Variants in CHMP3 observed in about 807,000 individuals in gnomAD.
CHMP3 encodes 25.1 protein.
CHMP3 carries 8 observed loss-of-function variants against 27.4 expected under a neutral mutation model. That is an observed-to-expected ratio of 0.29 (90% CI 0.17 to 0.53). The LOEUF is 0.53. Among genes scored for constraint, CHMP3 ranks in the 20% least tolerant of loss-of-function variants. The pLI is 0.96. For missense variants in CHMP3, 208 were observed against 271.5 expected, an observed-to-expected ratio of 0.77 and a Z score of 1.64; for synonymous variants, 86 against 85.5, an observed-to-expected ratio of 1.01 and a Z score of -0.03.
chr2:86,523,344 C>T (rs1340009691), intron 3 of CHMP3, among the ~76,000 whole-genome samples: 1 of 152,216 alleles, frequency 6.6e-6, no homozygotes, highest in Non-Finnish European at 1.5e-5. Context: ...CCTGACTCTA[C>T]ATTTCTCTTT....
chr2:86,504,448 T>G lies in CHMP3; in HGVS notation c.*1356A>C, dbSNP rs1485743823. On this transcript the variant is annotated 3_prime_UTR_variant, in exon 6 of 6. Transcript: ENST00000263856. ...ATTTAAAATAATTTTTTAACTACAC[T>G]CTGAAGATGAAATCAAGAGTAATAG... The G allele has an allele frequency of 6.6e-6, 1 of 150,400 alleles. No homozygotes were observed. The highest frequency in any genetic ancestry group is 6.6e-5 in the Admixed American group (1 of 15,108). The allele number at this position is 150,400 out of a possible 1,614,324, so 9.3% of individuals were successfully genotyped here. A position where few individuals can be genotyped will look rare whatever the true frequency, so the allele number is the denominator to read the frequency against.
At chr2:86,556,748 G>C (rs756432133) in intron 1 of CHMP3, among the ~76,000 whole-genome samples, 4 of 152,110 alleles carry the variant, frequency 2.6e-5, no homozygotes, top group East Asian at 1.9e-4. Flanking sequence ...ATAAATACTC[G>C]CAGCGCCGGC....
In CHMP3 at chr2:86,548,119, T is replaced by C. The variant is rs72932375; in HGVS notation, c.46-5807A>G. Among the ~76,000 whole-genome samples, 595 of 152,024 alleles carry C rather than the reference T, an allele frequency of 3.9e-3. 5 individuals are homozygous for C. Among genetic ancestry groups the C allele is most frequent in the African/African-American group, 0.014 (566 of 41,480 alleles). On this transcript the variant is annotated intron_variant, in intron 1 of 5. Transcript: ENST00000263856. Reference sequence around the variant, plus strand: ...AGACATATGGAATGCAAAACTGTGGTGTTTTAAGAAGACAGTATAGGAGAA... The same window carrying C: ...AGACATATGGAATGCAAAACTGTGGCGTTTTAAGAAGACAGTATAGGAGAA...
chr2:86,521,176 C>G (rs1169767139), intron 3 of CHMP3, among the ~76,000 whole-genome samples: 1 of 151,486 alleles, frequency 6.6e-6, no homozygotes, highest in Non-Finnish European at 1.5e-5. Flanking sequence ...TAATGATAAT[C>G]CACCACCCTT....
intron 1 of CHMP3, among the ~76,000 whole-genome samples, chr2:86,556,435 T>A (rs1044296332): frequency 2.0e-5 from 3 of 152,200 alleles, no homozygotes; most frequent in African/African-American, 7.2e-5. Flanking sequence ...TCTCTCACCA[T>A]TGTAGGAGAT....
At chr2:86,529,503 T>C (rs956332295) in intron 2 of CHMP3, 106 bp from the exon 3 acceptor site, 4 of 1,064,870 alleles carry the variant, frequency 3.8e-6, no homozygotes, top group Middle Eastern at 5.2e-4. Context: ...GAAAAACATA[T>C]AGAAGGATAT....
In CHMP3 at chr2:86,507,195, A is replaced by G. The variant is rs940177890; in HGVS notation, c.523+284T>C. 2.2e-5 allele frequency: 6 copies of G among 271,338 alleles called. No individual in the cohort carries two copies. In the Admixed American group the frequency reaches 3.0e-4, roughly 13 times the overall value. The allele number at this position is 271,338 out of a possible 1,614,324, so 16.8% of individuals were successfully genotyped here. ...AGGGCTTTTGAATGGCTATGGCCAA[A>G]TTGCTTTCAAGAAAGTCTACACCAG... On this transcript the variant is annotated intron_variant, in intron 5 of 5. Coordinates refer to ENST00000263856, the MANE Select transcript of CHMP3 (RefSeq NM_016079.4).
chr2:86,527,867 G>A (rs998820576), intron 3 of CHMP3, among the ~76,000 whole-genome samples: 13 of 146,264 alleles, frequency 8.9e-5, no homozygotes, highest in Admixed American at 8.0e-4. Flanking sequence ...AGGGTGAGGC[G>A]GGCGAATCGC....
chr2:86,546,119 G>A (rs1009716606), intron 1 of CHMP3, among the ~76,000 whole-genome samples: 3 of 152,168 alleles, frequency 2.0e-5, no homozygotes, highest in Admixed American at 6.5e-5. Flanking sequence ...CCAGCACCTC[G>A]GGAGGCCGAG....
Position 86,505,594 on chromosome 2 carries a change from CT to C in CHMP3, c.*209del. The C allele has an allele frequency of 1.9e-6, 1 of 516,018 alleles. No homozygotes were observed. Among genetic ancestry groups the C allele is most frequent in the East Asian group, 3.5e-5 (1 of 28,446 alleles). 32.0% of individuals were successfully genotyped at this position (516,018 alleles called of 1,614,324 possible). A position where few individuals can be genotyped will look rare whatever the true frequency, so the allele number is the denominator to read the frequency against. On this transcript the variant is annotated 3_prime_UTR_variant, in exon 6 of 6. Coordinates refer to ENST00000263856, the MANE Select transcript of CHMP3 (RefSeq NM_016079.4). ...TTCCCCTCCCCACAATAAGATATAT[CT>C]GTCTATACTCCTAAAAATGATGCAT...
At chr2:86,530,416 C>T (rs1675875202) in intron 2 of CHMP3, among the ~76,000 whole-genome samples, 1 of 152,126 alleles carries the variant, frequency 6.6e-6, no homozygotes, top group Non-Finnish European at 1.5e-5. Flanking sequence ...ATTTTACTAC[C>T]CTTGGTACTT....
intron 3 of CHMP3, among the ~76,000 whole-genome samples, chr2:86,516,089 A>G (rs906596653): frequency 6.8e-6 from 1 of 147,142 alleles, no homozygotes; most frequent in Non-Finnish European, 1.5e-5. Context: ...CGGAGACTGC[A>G]GTGAGCCGAG....
chr2:86,551,495 G>A (rs1279835713), intron 1 of CHMP3, among the ~76,000 whole-genome samples: 6 of 152,064 alleles, frequency 3.9e-5, no homozygotes, highest in Non-Finnish European at 8.8e-5. Context: ...GACCTCAGGG[G>A]ATCTGCCCAC....
chr2:86,550,123 C>T (rs1262756890), intron 1 of CHMP3, among the ~76,000 whole-genome samples: 5 of 152,224 alleles, frequency 3.3e-5, no homozygotes, highest in Non-Finnish European at 5.9e-5. Flanking sequence ...CGTCTGCAAT[C>T]CCAGCACCCC....
chr2:86,517,471 C>T (rs565283968), intron 3 of CHMP3, among the ~76,000 whole-genome samples: 2 of 146,280 alleles, frequency 1.4e-5, no homozygotes, highest in African/African-American at 5.1e-5. Flanking sequence ...GAGGCTGAGG[C>T]AGGAGAATGG....
At chr2:86,507,285 A>T (rs1674923373) in intron 5 of CHMP3, 194 bp downstream of exon 5, 1 of 543,746 alleles carries the variant, frequency 1.8e-6, no homozygotes, top group Non-Finnish European at 3.3e-6. Flanking sequence ...AACTCTAAAA[A>T]TTTTAAGAAT....
intron 1 of CHMP3, among the ~76,000 whole-genome samples, chr2:86,554,448 T>G (rs1677033261): frequency 6.6e-6 from 1 of 152,166 alleles, no homozygotes; most frequent in Non-Finnish European, 1.5e-5. Flanking sequence ...GTCACATAAC[T>G]GGAGAAGATA....
At position 86,503,906 on chromosome 2, in the gene CHMP3, G is replaced by T. The variant is rs1256618332; in HGVS notation, c.*1898C>A. The stretch of plus-strand genomic sequence containing the variant: ...GGGAGTGAAATAACATGGACACAAA[G>T]GAATAACATACTGGGGCCTACCTGA... On this transcript the variant is annotated 3_prime_UTR_variant, in exon 6 of 6. Coordinates refer to ENST00000263856, the MANE Select transcript of CHMP3 (RefSeq NM_016079.4). 1 of 152,096 alleles carries T rather than the reference G, an allele frequency of 6.6e-6. No individual in the cohort carries two copies. Among genetic ancestry groups the T allele is most frequent in the East Asian group, 1.9e-4 (1 of 5,172 alleles). 9.4% of individuals were successfully genotyped at this position (152,096 alleles called of 1,614,324 possible).
rs186737141 is a variant in CHMP3, at chr2:86,521,432, A to G, written c.286+7786T>C. 9.2e-5 allele frequency among the ~76,000 whole-genome samples: 14 copies of G among 152,348 alleles called. No individual in the cohort carries two copies. In the East Asian group the frequency reaches 2.5e-3, roughly 27 times the overall value. On this transcript the variant is annotated intron_variant, in intron 3 of 5. Coordinates refer to ENST00000263856, the MANE Select transcript of CHMP3 (RefSeq NM_016079.4). ...ACATTATTTTAACCCAAAATTATAC[A>G]TAACATAAAATTTGTAACTTTTATC...
Sources: allele counts gnomAD v4.1 joint callset (sites outside exome capture counted in the v4.1 genomes callset), GRCh38; gene constraint gnomAD v4.1.1; transcripts MANE v1.5; gene names NCBI Gene and HGNC (gene_info 2026-07-23, HGNC 2026-07-21).